The following GRHL2 variants were observed in gnomAD, a reference collection of about 807,000 sequenced individuals.
The protein encoded by GRHL2 is grainyhead like transcription factor 2.
GRHL2 carries 21 observed loss-of-function variants against 83.8 expected under a neutral mutation model. The ratio of observed to expected loss-of-function variants is 0.25; its 90% CI spans 0.18 to 0.36. The LOEUF is 0.36. Among genes scored for constraint, GRHL2 ranks in the 10% least tolerant of loss-of-function variants. GRHL2 has a pLI of 1.00. For missense variants in GRHL2, 623 were observed against 781.8 expected (o/e 0.80, Z 2.42); for synonymous variants, 280 against 278.9 (o/e 1.00, Z -0.04).
At position 101,524,004 on chromosome 8, in the gene GRHL2, T is replaced by C. The variant is rs140206797; in HGVS notation, c.21-19237T>C. On this transcript the variant is annotated intron_variant, in intron 1 of 15. Transcript: ENST00000646743. ...TGCCCCACCATTTGGATTTGTCTTA[T>C]GTTTTCTCTTCAAGATGTGCCTCTC... is the stretch of plus-strand genomic sequence containing the variant. Among the ~76,000 whole-genome samples, 204 of 152,308 alleles carry C rather than the reference T, an allele frequency of 1.3e-3. 1 individual carries two copies. Among genetic ancestry groups the C allele is most frequent in the Admixed American group, 3.9e-3 (59 of 15,304 alleles).
chr8:101,529,123 T>C (rs541076675), intron 1 of GRHL2: 4 of 360,274 alleles, frequency 1.1e-5, no homozygotes, highest in South Asian at 8.9e-5. Context: ...CTTCCTCTGT[T>C]TCATCTCCCA....
rs1386273410 is a variant in GRHL2 at position 101,644,365 on chromosome 8, C to T, written c.1612+140C>T. The T allele has an allele frequency of 3.1e-5, 22 of 700,288 alleles. No homozygotes were observed. In the East Asian group the frequency reaches 6.0e-4, roughly 19 times the overall value. The allele number at this position is 700,288 out of a possible 1,614,324, so 43.4% of individuals were successfully genotyped here. ...TCTCTTCACACAGGAAGTCCACAGT[C>T]TTCTTCTTTGCTTTAAACTCTGTCC... On this transcript the variant is annotated intron_variant, in intron 13 of 15. Coordinates refer to ENST00000646743, the MANE Select transcript of GRHL2 (RefSeq NM_024915.4).
chr8:101,587,071 C>T (rs1812184538), intron 7 of GRHL2, among the ~76,000 whole-genome samples: 1 of 152,112 alleles, frequency 6.6e-6, no homozygotes, highest in Non-Finnish European at 1.5e-5. Flanking sequence ...TTTCCTGAAA[C>T]AGACGTGGAA....
chr8:101,492,627 G>A lies in GRHL2; in HGVS notation c.-143G>A, dbSNP rs560102910. The A allele has an allele frequency of 2.6e-6, 2 of 773,990 alleles. No homozygotes were observed. Among genetic ancestry groups the A allele is most frequent in the African/African-American group, 3.4e-5 (2 of 58,958 alleles). The allele number at this position is 773,990 out of a possible 1,614,324, so 47.9% of individuals were successfully genotyped here. A position where few individuals can be genotyped will look rare whatever the true frequency, so the allele number is the denominator to read the frequency against. ...GGCGAGCGAGCGAGAGTGGTGAGGG[G>A]GGACGGAAAAGCAGAATTACCTGTA... is the stretch of plus-strand genomic sequence containing the variant. On this transcript the variant is annotated 5_prime_UTR_variant, in exon 1 of 16. Coordinates refer to ENST00000646743, the MANE Select transcript of GRHL2 (RefSeq NM_024915.4).
chr8:101,654,579 G>A (rs557967465), intron 14 of GRHL2, among the ~76,000 whole-genome samples: 5 of 152,326 alleles, frequency 3.3e-5, no homozygotes, highest in African/African-American at 1.2e-4. Context: ...AACGAACAAA[G>A]AGTTTTCTTT....
intron 1 of GRHL2, among the ~76,000 whole-genome samples, chr8:101,520,072 C>T (rs1215042817): frequency 1.3e-5 from 2 of 152,190 alleles, no homozygotes; most frequent in East Asian, 3.8e-4. Flanking sequence ...TTTGCCCTAT[C>T]TCCTTTTCTA....
At chr8:101,507,628 G>C (rs1288741774) in intron 1 of GRHL2, among the ~76,000 whole-genome samples, 1 of 152,028 alleles carries the variant, frequency 6.6e-6, no homozygotes, top group Non-Finnish European at 1.5e-5. Context: ...ATTACAGATA[G>C]CTTTCCATGA....
intron 4 of GRHL2, chr8:101,562,455 G>T: frequency 2.4e-6 from 1 of 412,796 alleles, no homozygotes; most frequent in Non-Finnish European, 4.4e-6. Flanking sequence ...GGGTAGATGG[G>T]CCCTGAACAA....
At chr8:101,644,002 G>C (rs1813456789) in intron 12 of GRHL2, 129 bp from the exon 13 acceptor site, 1 of 775,378 alleles carries the variant, frequency 1.3e-6, no homozygotes, top group Admixed American at 2.0e-5. Flanking sequence ...AAGGAGGTTG[G>C]TGAGTAGATC....
At chr8:101,549,480 CCCTGGAGGCTGAG>C (rs979898811) in intron 2 of GRHL2, among the ~76,000 whole-genome samples, 4 of 152,234 alleles carry the variant, frequency 2.6e-5, no homozygotes, top group East Asian at 1.9e-4. Context: ...AAGCAAGGGA[CCCTGGAGGCTGAG>C]CCTGGAGGCT....
At chr8:101,670,445 C>A (rs570915376), downstream of GRHL2, among the ~76,000 whole-genome samples, 1 of 152,340 alleles carries the variant, frequency 6.6e-6, no homozygotes, top group Non-Finnish European at 1.5e-5. Flanking sequence ...CAACTTCAAC[C>A]CCAGCAGCAT....
intron 9 of GRHL2, among the ~76,000 whole-genome samples, chr8:101,625,028 CAT>C (rs1273710969): frequency 6.6e-6 from 1 of 152,054 alleles, no homozygotes; most frequent in Non-Finnish European, 1.5e-5. Context: ...TTTAATTCAG[CAT>C]ATTAAATATT....
At chr8:101,621,935 G>T (rs1812974733) in intron 9 of GRHL2, among the ~76,000 whole-genome samples, 1 of 152,044 alleles carries the variant, frequency 6.6e-6, no homozygotes, top group Admixed American at 6.5e-5. Flanking sequence ...GGAAAAAAAA[G>T]TAGGGGGATG....
chr8:101,634,383 CAAAA>C (rs1813245406), intron 11 of GRHL2, among the ~76,000 whole-genome samples: 1 of 152,132 alleles, frequency 6.6e-6, no homozygotes, highest in Admixed American at 6.5e-5. Flanking sequence ...TGCCTTTTCT[CAAAA>C]AAGTTAGATG....
intron 9 of GRHL2, among the ~76,000 whole-genome samples, chr8:101,630,033 G>T (rs775663114): frequency 1.3e-5 from 2 of 151,960 alleles, no homozygotes; most frequent in Non-Finnish European, 2.9e-5. Flanking sequence ...ATTCCATTTG[G>T]TAGTTTTTAA....
intron 9 of GRHL2, among the ~76,000 whole-genome samples, chr8:101,625,026 A>G (rs539351505): frequency 1.1e-4 from 16 of 152,184 alleles, no homozygotes; most frequent in Admixed American, 2.0e-4. Context: ...TCTTTAATTC[A>G]GCATATTAAA....
At chr8:101,563,179 A>G (rs1246593436) in intron 4 of GRHL2, among the ~76,000 whole-genome samples, 1 of 152,138 alleles carries the variant, frequency 6.6e-6, no homozygotes, top group African/African-American at 2.4e-5. Flanking sequence ...ATTTAGCAGT[A>G]AGTGGGAGGG....
intron 4 of GRHL2, among the ~76,000 whole-genome samples, chr8:101,565,512 C>T (rs1563583311): frequency 6.6e-6 from 1 of 152,164 alleles, no homozygotes. Context: ...ATTAGTGACT[C>T]AGGAATCCAG....
chr8:101,675,590 C>A, the GRHL2 span, among the ~76,000 whole-genome samples: 9 of 152,098 alleles, frequency 5.9e-5, 1 homozygote, highest in African/African-American at 2.2e-4. Context: ...ACATTCCATG[C>A]TCATGGGTAG....
Sources: allele counts gnomAD v4.1 joint callset (sites outside exome capture counted in the v4.1 genomes callset), GRCh38; gene constraint gnomAD v4.1.1; transcripts MANE v1.5; gene names NCBI Gene and HGNC (gene_info 2026-07-23, HGNC 2026-07-21).